Variants in MALRD1 observed in about 807,000 individuals in gnomAD.
The protein encoded by MALRD1 is MAM and LDL receptor class A domain containing 1, also known as MAM and LDL-receptor class A domain-containing protein 1.
Under a neutral mutation model 242.1 loss-of-function variants are expected in MALRD1, and 247 were observed. That is an observed-to-expected ratio of 1.02 (90% CI 0.92 to 1.13). The LOEUF (loss-of-function observed/expected upper bound fraction) is 1.13. MALRD1 is among the 50% of genes most tolerant of loss of function. The pLI is 0.00. For missense variants in MALRD1, 2,989 were observed against 2,533.1 expected (o/e 1.18, Z -3.86); for synonymous variants, 995 against 866.6 (o/e 1.15, Z -2.60).
intron 36 of MALRD1, among the ~76,000 whole-genome samples, chr10:19,618,079 T>C (rs1023719972): frequency 1.3e-5 from 2 of 152,054 alleles, no homozygotes; most frequent in African/African-American, 4.8e-5. Flanking sequence ...GAACATGTGG[T>C]GTTTGGTTTT....
chr10:19,731,100 C>T (rs930731492), intron 39 of MALRD1, among the ~76,000 whole-genome samples: 1 of 152,150 alleles, frequency 6.6e-6, no homozygotes, highest in South Asian at 2.1e-4. Flanking sequence ...GAGTATTAGT[C>T]AGCTGCTTAC....
chr10:19,180,421 A>G (rs569471298), intron 14 of MALRD1, among the ~76,000 whole-genome samples: 1 of 152,326 alleles, frequency 6.6e-6, no homozygotes, highest in South Asian at 2.1e-4. Flanking sequence ...ATCTAAACAT[A>G]AAAGACCAAA....
chr10:19,389,989 G>A (rs1740122515), intron 28 of MALRD1, among the ~76,000 whole-genome samples: 1 of 152,118 alleles, frequency 6.6e-6, no homozygotes, highest in African/African-American at 2.4e-5. Flanking sequence ...TGTGGCCTGA[G>A]GGAGTTGACT....
intron 32 of MALRD1, among the ~76,000 whole-genome samples, chr10:19,558,298 A>G (rs1239424041): frequency 6.6e-6 from 1 of 152,100 alleles, no homozygotes; most frequent in Non-Finnish European, 1.5e-5. Flanking sequence ...TTGTGAGAGC[A>G]CACATCCTTG....
At chr10:19,479,339 C>T (rs924410726) in intron 29 of MALRD1, among the ~76,000 whole-genome samples, 4 of 152,134 alleles carry the variant, frequency 2.6e-5, no homozygotes, top group Admixed American at 6.5e-5. Flanking sequence ...GTCTGAGGCA[C>T]GTCAGATAAT....
At position 19,088,088 on chromosome 10, in the gene MALRD1, G is replaced by T. The variant is rs746768750; in HGVS notation, c.500G>T (p.Cys167Phe). 1 of 1,233,574 alleles carries T rather than the reference G, an allele frequency of 8.1e-7. No individual in the cohort carries two copies. Among genetic ancestry groups the T allele is most frequent in the Non-Finnish European group, 1.0e-6 (1 of 987,912 alleles). 76.4% of individuals were successfully genotyped at this position (1,233,574 alleles called of 1,614,324 possible). ...GKLMVGLQTA[C>F]GGPIQHLWQN... is the part of the protein sequence containing the mutation. Reference sequence around the variant, plus strand: ...TTAATGGTTGGGCTTCAAACTGCATGTGGAGGTCCTATTCAGCATTTATGG... The same window carrying T: ...TTAATGGTTGGGCTTCAAACTGCATTTGGAGGTCCTATTCAGCATTTATGG... The change falls in exon 4 of 40, where the codon TGT becomes TTT. Residue 167 changes from cysteine to phenylalanine, a missense_variant. Physicochemically the swap from Cys to Phe is radical, Grantham distance 205 (BLOSUM62 -2). Transcript: ENST00000454679.
chr10:19,590,092 C>G (rs1355062519), intron 33 of MALRD1, among the ~76,000 whole-genome samples: 2 of 151,936 alleles, frequency 1.3e-5, no homozygotes, highest in African/African-American at 4.8e-5. Context: ...TGTGCTTTAT[C>G]AAGACACAGT....
At chr10:19,318,946 T>A (rs1588902923) in intron 21 of MALRD1, among the ~76,000 whole-genome samples, 1 of 143,772 alleles carries the variant, frequency 7.0e-6, no homozygotes, top group Middle Eastern at 3.4e-3. Flanking sequence ...GTTAAATAAA[T>A]ATGTACATAT....
At chr10:19,598,760 G>A (rs1354449976) in intron 34 of MALRD1, among the ~76,000 whole-genome samples, 1 of 151,900 alleles carries the variant, frequency 6.6e-6, no homozygotes, top group African/African-American at 2.4e-5. Context: ...TGAGATCAAA[G>A]AGAGAGGATA....
chr10:19,124,715 T>G, intron 7 of MALRD1, 45 bp downstream of exon 7: 1 of 1,227,524 alleles, frequency 8.1e-7, no homozygotes. Flanking sequence ...TTCAGAATTC[T>G]GCTTTATGGT....
At chr10:19,538,320 C>T (rs183535955) in intron 32 of MALRD1, among the ~76,000 whole-genome samples, 33 of 152,266 alleles carry the variant, frequency 2.2e-4, no homozygotes, top group Non-Finnish European at 4.6e-4. Context: ...CAATATCCTT[C>T]AATTAAAGGC....
At chr10:19,534,754 AT>A (rs1834577746) in intron 32 of MALRD1, among the ~76,000 whole-genome samples, 1 of 152,198 alleles carries the variant, frequency 6.6e-6, no homozygotes, top group African/African-American at 2.4e-5. Flanking sequence ...TATGAAGAAT[AT>A]TTTGACAATT....
intron 28 of MALRD1, among the ~76,000 whole-genome samples, chr10:19,411,429 A>C (rs1460507384): frequency 6.6e-6 from 1 of 152,206 alleles, no homozygotes; most frequent in Non-Finnish European, 1.5e-5. Context: ...TTAATGGAAC[A>C]ATTAATGGTA....
At chr10:19,381,622 G>T (rs1191949587) in intron 26 of MALRD1, among the ~76,000 whole-genome samples, 1 of 150,688 alleles carries the variant, frequency 6.6e-6, no homozygotes, top group Non-Finnish European at 1.5e-5. Flanking sequence ...GAGGTCAGGA[G>T]TTCCGGACCA....
At chr10:19,462,713 A>G (rs985958984) in intron 29 of MALRD1, among the ~76,000 whole-genome samples, 1 of 152,238 alleles carries the variant, frequency 6.6e-6, no homozygotes, top group Non-Finnish European at 1.5e-5. Context: ...TATTACACAG[A>G]TAAGTTGATT....
At chr10:19,575,616 G>C (rs1248866468) in intron 33 of MALRD1, among the ~76,000 whole-genome samples, 1 of 151,928 alleles carries the variant, frequency 6.6e-6, no homozygotes, top group Non-Finnish European at 1.5e-5. Context: ...TGGTAAAGAA[G>C]GCCTCAAAAA....
intron 26 of MALRD1, among the ~76,000 whole-genome samples, chr10:19,355,843 T>TTTTATATG (rs1554838607): frequency 3.4e-5 from 1 of 29,222 alleles, no homozygotes; most frequent in South Asian, 5.7e-4. Context: ...AGAACATATA[T>TTTTATATG]TATATATATA....
At chr10:19,222,944 T>G (rs886924432) in intron 18 of MALRD1, among the ~76,000 whole-genome samples, 1 of 152,144 alleles carries the variant, frequency 6.6e-6, no homozygotes. Context: ...GCCTTCAAAC[T>G]TTTTCCCATT....
At chr10:19,485,919 C>A (rs1033735364) in intron 29 of MALRD1, among the ~76,000 whole-genome samples, 1 of 151,672 alleles carries the variant, frequency 6.6e-6, no homozygotes, top group African/African-American at 2.4e-5. Context: ...ATTCAGTTTT[C>A]ATTATATTTT....
Sources: allele counts gnomAD v4.1 joint callset (sites outside exome capture counted in the v4.1 genomes callset), GRCh38; gene constraint gnomAD v4.1.1; transcripts MANE v1.5; gene names NCBI Gene and HGNC (gene_info 2026-07-23, HGNC 2026-07-21).